Variants in SEZ6L observed in about 807,000 individuals in gnomAD.
SEZ6L encodes seizure 6-like protein.
In SEZ6L, 37 loss-of-function variants were observed where a neutral mutation model predicts 106.2. That is an observed-to-expected ratio of 0.35 (90% CI 0.27 to 0.46). SEZ6L has a LOEUF of 0.46. Among genes scored for constraint, SEZ6L ranks in the 20% least tolerant of loss-of-function variants. SEZ6L has a pLI of 1.00. For synonymous variants in SEZ6L, 541 were observed against 570.4 expected, an observed-to-expected ratio of 0.95 and a Z score of 0.73; for missense variants, 1,172 against 1,332.8, an observed-to-expected ratio of 0.88 and a Z score of 1.88.
At chr22:26,373,608 C>A in intron 14 of SEZ6L, 125 bp downstream of exon 14, 5 of 736,530 alleles carry the variant, frequency 6.8e-6, no homozygotes, top group African/African-American at 1.8e-5. Context: ...TTCAGACTGC[C>A]AAAGATAATC....
chr22:26,259,107 A>T (rs866432235), intron 1 of SEZ6L, among the ~76,000 whole-genome samples: 30 of 152,238 alleles, frequency 2.0e-4, no homozygotes, highest in Admixed American at 5.9e-4. Context: ...GGGAACAGAA[A>T]TGGGAGATTT....
At chr22:26,290,214 G>T (rs1295507299) in intron 1 of SEZ6L, among the ~76,000 whole-genome samples, 1 of 152,218 alleles carries the variant, frequency 6.6e-6, no homozygotes, top group Non-Finnish European at 1.5e-5. Context: ...CTGCCAGACA[G>T]CTGCCTGGGC....
intron 1 of SEZ6L, among the ~76,000 whole-genome samples, chr22:26,198,539 G>A (rs1487057683): frequency 6.6e-6 from 1 of 152,196 alleles, no homozygotes; most frequent in Non-Finnish European, 1.5e-5. Flanking sequence ...TACACAGACT[G>A]GGTAATTTAT....
intron 1 of SEZ6L, among the ~76,000 whole-genome samples, chr22:26,198,416 G>T (rs1052492904): frequency 9.2e-5 from 14 of 152,200 alleles, no homozygotes; most frequent in Non-Finnish European, 2.1e-4. Context: ...AAAACTTGTG[G>T]TATGGACAGT....
intron 1 of SEZ6L, among the ~76,000 whole-genome samples, chr22:26,176,414 A>C (rs964860300): frequency 1.3e-5 from 2 of 152,258 alleles, no homozygotes; most frequent in East Asian, 3.8e-4. Context: ...GGCAAATGCC[A>C]GGTGTCCCAA....
chr22:26,346,964 C>A (rs1456949242), intron 10 of SEZ6L, among the ~76,000 whole-genome samples: 6 of 151,456 alleles, frequency 4.0e-5, no homozygotes, highest in Admixed American at 4.0e-4. Context: ...GAGGCCCAGG[C>A]GGTAGGATTG....
At chr22:26,226,730 A>G (rs139230765) in intron 1 of SEZ6L, among the ~76,000 whole-genome samples, 15 of 152,294 alleles carry the variant, frequency 9.8e-5, no homozygotes, top group African/African-American at 3.4e-4. Flanking sequence ...GCACCCAGGA[A>G]TGGCCATGTG....
chr22:26,236,260 G>T (rs918353389), intron 1 of SEZ6L, among the ~76,000 whole-genome samples: 1 of 152,164 alleles, frequency 6.6e-6, no homozygotes, highest in East Asian at 1.9e-4. Context: ...CTGGAGATTC[G>T]GCATGGCCAA....
At chr22:26,326,933 C>T (rs886932821) in intron 9 of SEZ6L, among the ~76,000 whole-genome samples, 12 of 152,206 alleles carry the variant, frequency 7.9e-5, no homozygotes, top group Admixed American at 2.0e-4. Flanking sequence ...TTTCAAAGTT[C>T]GTTTTTCTTG....
At chr22:26,325,155 G>T (rs7290849) in intron 9 of SEZ6L, among the ~76,000 whole-genome samples, 1,627 of 152,280 alleles carry the variant, frequency 0.011, 24 homozygotes, top group African/African-American at 0.038. Context: ...TGCATTCAAG[G>T]CCTCTTGAGC....
At chr22:26,369,173 G>C (rs1013046857) in intron 13 of SEZ6L, among the ~76,000 whole-genome samples, 2 of 151,488 alleles carry the variant, frequency 1.3e-5, no homozygotes, top group Admixed American at 1.3e-4. Context: ...CGGAGATTCT[G>C]ATTCACTGGG....
intron 1 of SEZ6L, among the ~76,000 whole-genome samples, chr22:26,205,413 G>A (rs1012859957): frequency 6.6e-6 from 1 of 152,206 alleles, no homozygotes; most frequent in African/African-American, 2.4e-5. Context: ...TTGTGTTTCA[G>A]CTCACAACTG....
chr22:26,248,657 C>T (rs1472007695), intron 1 of SEZ6L, among the ~76,000 whole-genome samples: 2 of 152,214 alleles, frequency 1.3e-5, no homozygotes, highest in Non-Finnish European at 2.9e-5. Context: ...CCTCATGCAT[C>T]GAAGATCCTC....
At chr22:26,304,373 A>AAAGAAAGAAAG (rs763430853) in intron 5 of SEZ6L, among the ~76,000 whole-genome samples, 15 of 44,056 alleles carry the variant, frequency 3.4e-4, no homozygotes, top group Middle Eastern at 0.024. Context: ...AAGAAAGAAG[A>AAAGAAAGAAAG]AAGAAAGAAA....
In SEZ6L at chr22:26,310,842, G is replaced by T. The variant is rs750119302; in HGVS notation, c.1681+6G>T. ...CTTCAACATCCGATTTGAAGGTGAG[G>T]GTCCCTGGGAGCTTCCCTTTCTCTT... On this transcript the variant is annotated splice_donor_region_variant and intron_variant, in intron 7 of 16. Transcript: ENST00000248933. 6.2e-7 allele frequency: 1 copy of T among 1,613,216 alleles called. No homozygotes were observed. The highest frequency in any genetic ancestry group is 8.5e-7 in the Non-Finnish European group (1 of 1,179,698).
At chr22:26,217,213 C>G (rs1435310329) in intron 1 of SEZ6L, among the ~76,000 whole-genome samples, 2 of 152,222 alleles carry the variant, frequency 1.3e-5, no homozygotes, top group African/African-American at 4.8e-5. Context: ...ATGCCCCATT[C>G]TTCCCTTCCC....
intron 5 of SEZ6L, among the ~76,000 whole-genome samples, chr22:26,304,865 G>A (rs2081585157): frequency 6.6e-6 from 1 of 152,044 alleles, no homozygotes; most frequent in Non-Finnish European, 1.5e-5. Context: ...TTACAGTTAT[G>A]CATCACTTAA....
intron 9 of SEZ6L, among the ~76,000 whole-genome samples, chr22:26,325,394 G>A (rs950887524): frequency 2.0e-5 from 3 of 152,198 alleles, no homozygotes; most frequent in African/African-American, 2.4e-5. Context: ...TATGAGATCT[G>A]AGCATCATTA....
chr22:26,228,673 G>A (rs1025422511), intron 1 of SEZ6L, among the ~76,000 whole-genome samples: 1 of 152,164 alleles, frequency 6.6e-6, no homozygotes, highest in Non-Finnish European at 1.5e-5. Context: ...CTTACTGGGG[G>A]CTTGCTTAGA....
Sources: allele counts gnomAD v4.1 joint callset (sites outside exome capture counted in the v4.1 genomes callset), GRCh38; gene constraint gnomAD v4.1.1; transcripts MANE v1.5; gene names NCBI Gene and HGNC (gene_info 2026-07-23, HGNC 2026-07-21).